SMAD2: variants seen among roughly 807,000 people sequenced by gnomAD.
SMAD2 encodes the protein MAD homolog 2.
In SMAD2, 8 loss-of-function variants were observed where a neutral mutation model predicts 64.4. The observed-to-expected ratio is 0.12, with a 90% confidence interval of 0.07 to 0.22. SMAD2 has a LOEUF of 0.22. Ranked by LOEUF, SMAD2 falls within the 10% of genes least tolerant of loss-of-function variation. The probability of loss-of-function intolerance (pLI) is 1.00; values close to 1 mark genes in which losing one functional copy is unlikely to be tolerated. For missense variants in SMAD2, 289 were observed against 561.2 expected (o/e 0.51, Z 4.90); for synonymous variants, 203 against 195.8 (o/e 1.04, Z -0.31).
chr18:47,908,777 C>T (rs2034006449), intron 1 of SMAD2, among the ~76,000 whole-genome samples: 2 of 152,192 alleles, frequency 1.3e-5, no homozygotes, highest in Admixed American at 1.3e-4. Flanking sequence ...TGAGGCTAAT[C>T]ATCTCTGCAT....
At chr18:47,879,210 G>A (rs2032441893) in intron 2 of SMAD2, among the ~76,000 whole-genome samples, 1 of 151,994 alleles carries the variant, frequency 6.6e-6, no homozygotes, top group African/African-American at 2.4e-5. Context: ...TTTTCTTTAG[G>A]TTAAATTTAC....
intron 2 of SMAD2, chr18:47,878,465 C>T (rs1315278934): frequency 6.6e-6 from 1 of 151,956 alleles, no homozygotes. Context: ...CCCATCTCTA[C>T]AAAATAATTA....
intron 8 of SMAD2, among the ~76,000 whole-genome samples, chr18:47,847,253 C>T (rs1386447609): frequency 6.6e-6 from 1 of 152,152 alleles, no homozygotes; most frequent in South Asian, 2.1e-4. Flanking sequence ...ATACATCAAG[C>T]AAGATTTGAG....
At position 47,837,745 on chromosome 18, in the gene SMAD2, C is replaced by T. The variant is rs1012378360; in HGVS notation, c.*4082G>A. ...TGATATGTCTAAGTATCAATGCCTT[C>T]GATCAGAGTAAGAAAAAAGTATTCA... On this transcript the variant is annotated 3_prime_UTR_variant, in exon 11 of 11. Coordinates refer to ENST00000262160, the MANE Select transcript of SMAD2 (RefSeq NM_005901.6). The T allele has an allele frequency of 1.3e-5, 3 of 232,488 alleles. No homozygotes were observed. The highest frequency in any genetic ancestry group is 2.5e-5 in the Non-Finnish European group (3 of 117,686). The allele number at this position is 232,488 out of a possible 1,614,324, so 14.4% of individuals were successfully genotyped here.
chr18:47,890,939 G>GT (rs1243426809), intron 2 of SMAD2, among the ~76,000 whole-genome samples: 1 of 152,248 alleles, frequency 6.6e-6, no homozygotes, highest in Non-Finnish European at 1.5e-5. Flanking sequence ...AAAGATGACA[G>GT]TTTTTTTAAT....
Position 47,930,549 on chromosome 18 carries a change from C to G in SMAD2, c.-242G>C, listed in dbSNP as rs1404699522. On this transcript the variant is annotated 5_prime_UTR_variant, in exon 1 of 11. Coordinates refer to ENST00000262160, the MANE Select transcript of SMAD2 (RefSeq NM_005901.6). ...CCAGGCCCGGGCCCGGCCGGCGGCCCGGGCGCGCGGGAGGGTAGGGGAAGA... is the reference window on the plus strand; with the variant it reads ...CCAGGCCCGGGCCCGGCCGGCGGCCGGGGCGCGCGGGAGGGTAGGGGAAGA... 2.1e-5 allele frequency: 3 copies of G among 141,660 alleles called. No individual in the cohort carries two copies. Among genetic ancestry groups the G allele is most frequent in the Admixed American group, 6.9e-5 (1 of 14,580 alleles). 8.8% of individuals were successfully genotyped at this position (141,660 alleles called of 1,614,324 possible).
At chr18:47,850,668 TATATATATTATATATATAATGTATA>T (rs2029873639) in intron 7 of SMAD2, among the ~76,000 whole-genome samples, 1 of 20,254 alleles carries the variant, frequency 4.9e-5, no homozygotes, top group Non-Finnish European at 7.4e-5. Flanking sequence ...TTATATACTA[TATATATATTATATATATAATGTATA>T]ATATATATTA....
At chr18:47,861,015 C>T (rs2031136571) in intron 6 of SMAD2, among the ~76,000 whole-genome samples, 1 of 151,942 alleles carries the variant, frequency 6.6e-6, no homozygotes, top group Admixed American at 6.6e-5. Context: ...TATTGTAGGT[C>T]TTAGTTAGGA....
Position 47,841,816 on chromosome 18 carries a change from T to C in SMAD2, c.*11A>G, listed in dbSNP as rs759073723. 10 of 1,613,996 alleles carry C rather than the reference T, an allele frequency of 6.2e-6. No individual in the cohort carries two copies. The highest frequency in any genetic ancestry group is 1.7e-5 in the Admixed American group (1 of 60,006). On this transcript the variant is annotated 3_prime_UTR_variant, in exon 11 of 11. Coordinates refer to ENST00000262160, the MANE Select transcript of SMAD2 (RefSeq NM_005901.6). ...CATTAAGTCTTTTCATGGGACTTGATTGGTGAAGCTTTATGACATGCTTGA... is the reference window on the plus strand; with the variant it reads ...CATTAAGTCTTTTCATGGGACTTGACTGGTGAAGCTTTATGACATGCTTGA...
At chr18:47,930,849 G>A (rs1267878288), upstream of SMAD2, 1 of 148,844 alleles carries the variant, frequency 6.7e-6, no homozygotes, top group Non-Finnish European at 1.5e-5. Context: ...CTCCGCCGCC[G>A]CGGCCGCGCG....
At chr18:47,900,012 C>T (rs924090761) in intron 1 of SMAD2, among the ~76,000 whole-genome samples, 1 of 152,090 alleles carries the variant, frequency 6.6e-6, no homozygotes, top group Non-Finnish European at 1.5e-5. Context: ...TCTATACACC[C>T]CAGTTTTCTC....
At chr18:47,881,453 C>A (rs1215160056) in intron 2 of SMAD2, among the ~76,000 whole-genome samples, 1 of 152,128 alleles carries the variant, frequency 6.6e-6, no homozygotes, top group East Asian at 1.9e-4. Context: ...TAAAGTGCAG[C>A]CTTGCTAAAT....
intron 10 of SMAD2, among the ~76,000 whole-genome samples, chr18:47,843,902 TA>T (rs1427643488): frequency 6.6e-6 from 1 of 152,216 alleles, no homozygotes; most frequent in East Asian, 1.9e-4. Context: ...ATTCTCTCTG[TA>T]ATTCACTCTT....
At chr18:47,867,327 C>T (rs948431709) in intron 5 of SMAD2, 1 of 152,014 alleles carries the variant, frequency 6.6e-6, no homozygotes, top group African/African-American at 2.4e-5. Flanking sequence ...ACTTATCTTT[C>T]TTAGTTATCT....
intron 1 of SMAD2, among the ~76,000 whole-genome samples, chr18:47,903,655 C>T (rs1197815524): frequency 6.6e-6 from 1 of 151,762 alleles, no homozygotes; most frequent in Non-Finnish European, 1.5e-5. Flanking sequence ...AATAAAAATG[C>T]TAAAGAAACT....
At position 47,827,335 on chromosome 18, in the gene SMAD2, T is replaced by C. The variant is rs1271894054; in HGVS notation, c.*14492A>G. The C allele has an allele frequency of 6.6e-6, 1 of 152,080 alleles. No homozygotes were observed. The highest frequency in any genetic ancestry group is 2.4e-5 in the African/African-American group (1 of 41,360). The allele number at this position is 152,080 out of a possible 1,614,324, so 9.4% of individuals were successfully genotyped here. On this transcript the variant is annotated 3_prime_UTR_variant, in exon 11 of 11. Coordinates refer to ENST00000262160, the MANE Select transcript of SMAD2 (RefSeq NM_005901.6). Reference sequence around the variant, plus strand: ...ACTAAAATCATGTAAATCATCCATTTCCCAGTTGAATCTTAAAAAAAAATT... The same window carrying C: ...ACTAAAATCATGTAAATCATCCATTCCCCAGTTGAATCTTAAAAAAAAATT...
In SMAD2 at chr18:47,827,097, T is replaced by G. The variant is rs1912780012; in HGVS notation, c.*14730A>C. 1 of 152,198 alleles carries G rather than the reference T, an allele frequency of 6.6e-6. No individual in the cohort carries two copies. The highest frequency in any genetic ancestry group is 2.4e-5 in the African/African-American group (1 of 41,436). 9.4% of individuals were successfully genotyped at this position (152,198 alleles called of 1,614,324 possible). The stretch of plus-strand genomic sequence containing the variant: ...CATCGGAAATGACCAAGGATTAAAA[T>G]TAGCAGAATGTTATTCTGTCCAGCC... On this transcript the variant is annotated 3_prime_UTR_variant, in exon 11 of 11. Transcript: ENST00000262160.
At chr18:47,926,615 TA>T (rs2034776775) in intron 1 of SMAD2, among the ~76,000 whole-genome samples, 1 of 152,328 alleles carries the variant, frequency 6.6e-6, no homozygotes, top group East Asian at 1.9e-4. Flanking sequence ...AGAAACACTT[TA>T]AATAAATGCC....
intron 10 of SMAD2, among the ~76,000 whole-genome samples, chr18:47,842,650 G>C (rs1005871278): frequency 6.6e-6 from 1 of 152,150 alleles, no homozygotes; most frequent in Non-Finnish European, 1.5e-5. Flanking sequence ...CAGAATAGTA[G>C]ATACTCAAAT....
Sources: allele counts gnomAD v4.1 joint callset (sites outside exome capture counted in the v4.1 genomes callset), GRCh38; gene constraint gnomAD v4.1.1; transcripts MANE v1.5; gene names NCBI Gene and HGNC (gene_info 2026-07-23, HGNC 2026-07-21).